The following MOB3C variants were observed in gnomAD, a reference collection of about 807,000 sequenced individuals.
MOB3C encodes MOB kinase activator 3C.
Under a neutral mutation model 19.8 loss-of-function variants are expected in MOB3C, and 17 were observed. That is an observed-to-expected ratio of 0.86 (90% confidence interval 0.59 to 1.29). MOB3C has a LOEUF of 1.29. MOB3C is among the 50% of genes most tolerant of loss of function. The pLI is 0.00. For synonymous variants in MOB3C, 101 were observed against 119.2 expected (o/e 0.85, Z 0.99); for missense variants, 291 against 301.9 (o/e 0.96, Z 0.27).
At position 46,609,281 on chromosome 1, in the gene MOB3C, G is replaced by A; in HGVS notation, c.*374C>T. The A allele has an allele frequency of 2.8e-6, 1 of 354,502 alleles. No individual in the cohort carries two copies. The highest frequency in any genetic ancestry group is 9.1e-4 in the Middle Eastern group (1 of 1,098). The allele number at this position is 354,502 out of a possible 1,614,324, so 22.0% of individuals were successfully genotyped here. A position where few individuals can be genotyped will look rare whatever the true frequency, so the allele number is the denominator to read the frequency against. On this transcript the variant is annotated 3_prime_UTR_variant, in exon 4 of 4. Coordinates refer to ENST00000319928, the MANE Select transcript of MOB3C (RefSeq NM_201403.3). ...CGGCATCTGTGCTCACTCACAGGCA[G>A]ACTGCTCACTTTCTTGCACCTTTCT... is the stretch of plus-strand genomic sequence containing the variant.
chr1:46,609,529 A>C lies in MOB3C; in HGVS notation c.*126T>G, dbSNP rs1675425390. ...GCAGACTCCTGAGAACCAGAAGTCCAGAGGCTTTGGGTGTGTGGAGTGATT... is the reference window on the plus strand; with the variant it reads ...GCAGACTCCTGAGAACCAGAAGTCCCGAGGCTTTGGGTGTGTGGAGTGATT... On this transcript the variant is annotated 3_prime_UTR_variant, in exon 4 of 4. Transcript: ENST00000319928. 3 of 1,232,668 alleles carry C rather than the reference A, an allele frequency of 2.4e-6. No homozygotes were observed. The highest frequency in any genetic ancestry group is 3.5e-6 in the Non-Finnish European group (3 of 847,818). The allele number at this position is 1,232,668 out of a possible 1,614,324, so 76.4% of individuals were successfully genotyped here. A position where few individuals can be genotyped will look rare whatever the true frequency, so the allele number is the denominator to read the frequency against.
chr1:46,609,920 A>G, intron 3 of MOB3C, 82 bp downstream of exon 3: 2 of 1,494,000 alleles, frequency 1.3e-6, no homozygotes, highest in Non-Finnish European at 1.9e-6. Context: ...TGGGCGTTGG[A>G]GTTACTTAAA....
chr1:46,611,202 T>C lies in MOB3C; in HGVS notation c.419-998A>G, dbSNP rs1179430153. Among the ~76,000 whole-genome samples, 3 of 152,226 alleles carry C rather than the reference T, an allele frequency of 2.0e-5. No individual in the cohort carries two copies. Among genetic ancestry groups the C allele is most frequent in the Non-Finnish European group, 2.9e-5 (2 of 68,046 alleles). ...CTTGTGCTGGGCCCTTCACACCTTT[T>C]GCCTCTAATCCTTAGAACAATTCGC... On this transcript the variant is annotated intron_variant, in intron 2 of 3. Transcript: ENST00000319928. The surrounding 1 kb of genome is among the most constrained non-coding windows in gnomAD (Gnocchi z 4.1).
rs762935989 is a variant in MOB3C at position 46,613,204 on chromosome 1, A to G, written c.118T>C (p.Ser40Pro). The G allele has an allele frequency of 6.2e-7, 1 of 1,614,194 alleles. No homozygotes were observed. Among genetic ancestry groups the G allele is most frequent in the Non-Finnish European group, 8.5e-7 (1 of 1,180,026 alleles). ...ACCACACTGCGCAGGTCCAGGCCCG[A>G]CTTGAGAGAGGCCTGTGCCTTCTTG... ...LYKKAQASLK[S>P]GLDLRSVVRL... Residue 40 changes from serine to proline, a missense_variant, in exon 2 of 4, where the codon TCG (serine) becomes CCG (proline). Coordinates refer to ENST00000319928, the MANE Select transcript of MOB3C (RefSeq NM_201403.3).
Position 46,609,566 on chromosome 1 carries a change from A to G in MOB3C, c.*89T>C. 2.0e-6 allele frequency: 3 copies of G among 1,531,052 alleles called. No individual in the cohort carries two copies. Among genetic ancestry groups the G allele is most frequent in the Non-Finnish European group, 9.0e-7 (1 of 1,106,908 alleles). 94.8% of individuals were successfully genotyped at this position (1,531,052 alleles called of 1,614,324 possible). A position where few individuals can be genotyped will look rare whatever the true frequency, so the allele number is the denominator to read the frequency against. On this transcript the variant is annotated 3_prime_UTR_variant, in exon 4 of 4. Coordinates refer to ENST00000319928, the MANE Select transcript of MOB3C (RefSeq NM_201403.3). Reference sequence around the variant, plus strand: ...TGTGTGGAGTGATTCCAGTGCCTTCAGATTCCTTCAGGCTCCTGGGGGTCC... The same window carrying G: ...TGTGTGGAGTGATTCCAGTGCCTTCGGATTCCTTCAGGCTCCTGGGGGTCC...
rs1045109004 is a variant in MOB3C at position 46,608,596 on chromosome 1, A to G, written c.*1059T>C. The G allele has an allele frequency of 7.2e-5, 11 of 152,650 alleles. No individual in the cohort carries two copies. Among genetic ancestry groups the G allele is most frequent in the African/African-American group, 2.7e-4 (11 of 41,434 alleles). 9.5% of individuals were successfully genotyped at this position (152,650 alleles called of 1,614,324 possible). On this transcript the variant is annotated 3_prime_UTR_variant, in exon 4 of 4. Coordinates refer to ENST00000319928, the MANE Select transcript of MOB3C (RefSeq NM_201403.3). The surrounding 1 kb of genome is among the most constrained non-coding windows in gnomAD (Gnocchi z 4.5). ...CATGCCTGGAAGAGTCCATTCACCA[A>G]CTACATCCTCAATGTGCTGGGATGG...
Position 46,609,510 on chromosome 1 carries a change from T to G in MOB3C, c.*145A>C. ...CGGTCAGGGCGACAGGTAGGCAGAC[T>G]CCTGAGAACCAGAAGTCCAGAGGCT... On this transcript the variant is annotated 3_prime_UTR_variant, in exon 4 of 4. Transcript: ENST00000319928. 1 of 1,030,494 alleles carries G rather than the reference T, an allele frequency of 9.7e-7. No individual in the cohort carries two copies. Among genetic ancestry groups the G allele is most frequent in the Non-Finnish European group, 1.5e-6 (1 of 671,606 alleles). The allele number at this position is 1,030,494 out of a possible 1,614,324, so 63.8% of individuals were successfully genotyped here. A position where few individuals can be genotyped will look rare whatever the true frequency, so the allele number is the denominator to read the frequency against.
At chr1:46,612,535 G>A (rs1288600023) in intron 2 of MOB3C, among the ~76,000 whole-genome samples, 2 of 151,922 alleles carry the variant, frequency 1.3e-5, no homozygotes, top group Non-Finnish European at 2.9e-5. Flanking sequence ...GTGGTGGTGG[G>A]TGCCTATAAT....
At chr1:46,609,934 G>A in intron 3 of MOB3C, 68 bp downstream of exon 3, 8 of 1,574,492 alleles carry the variant, frequency 5.1e-6, no homozygotes, top group Non-Finnish European at 7.0e-6. Flanking sequence ...ACTTAAAGCA[G>A]GCAGCTTTTG....
At chr1:46,613,439 T>A (rs1015597550) in intron 1 of MOB3C, 68 bp from the exon 2 acceptor site, 2 of 1,384,024 alleles carry the variant, frequency 1.4e-6, no homozygotes, top group African/African-American at 2.9e-5. Flanking sequence ...GACTTCCCAA[T>A]TCATCATTTC....
intron 2 of MOB3C, among the ~76,000 whole-genome samples, chr1:46,610,422 C>T (rs948556408): frequency 2.0e-5 from 3 of 152,208 alleles, no homozygotes; most frequent in Non-Finnish European, 2.9e-5. Context: ...GAGTTTCACT[C>T]TTGCCCAGGC....
intron 1 of MOB3C, chr1:46,614,929 C>G: frequency 6.9e-7 from 1 of 1,441,766 alleles, no homozygotes; most frequent in South Asian, 1.2e-5. Flanking sequence ...AGAGTAGAAA[C>G]AGGCCATTCA....
At position 46,613,122 on chromosome 1, in the gene MOB3C, A is replaced by T; in HGVS notation, c.200T>A (p.Phe67Tyr). 1 of 1,614,216 alleles carries T rather than the reference A, an allele frequency of 6.2e-7. No individual in the cohort carries two copies. Among genetic ancestry groups the T allele is most frequent in the African/African-American group, 1.3e-5 (1 of 75,058 alleles). ...GTAGATGAGGTTGATGCGGTTGAAG[A>T]AGTCCACCACGTGCACGGCGATCCA... ...DDWIAVHVVD[F>Y]FNRINLIYGT... Residue 67 changes from phenylalanine (F) to tyrosine (Y), a missense_variant, in exon 2 of 4, where the codon TTC becomes TAC. Phe to Tyr is a conservative substitution (Grantham distance 22). Transcript: ENST00000319928.
In MOB3C at chr1:46,613,346, T is replaced by C; in HGVS notation, c.-25A>G. The C allele has an allele frequency of 6.3e-7, 1 of 1,599,730 alleles. No individual in the cohort carries two copies. Among genetic ancestry groups the C allele is most frequent in the Non-Finnish European group, 8.5e-7 (1 of 1,179,512 alleles). ...TGGCCAGCTGGGCCTGGGGCTGCTG[T>C]CCAGGGGCTCGGACCTGAGGATACC... On this transcript the variant is annotated 5_prime_UTR_variant, in exon 2 of 4. Transcript: ENST00000319928.
intron 1 of MOB3C, chr1:46,615,345 G>C: frequency 2.3e-6 from 1 of 435,144 alleles, no homozygotes; most frequent in Non-Finnish European, 4.1e-6. Flanking sequence ...CCACCTGCCT[G>C]ACCACACATC....
rs77694075 is a variant in MOB3C, at chr1:46,611,908, C to T, written c.418+996G>A. ...GCTTCCTTCAGCATTCAGACTTCTC[C>T]CCTCAGGGCTTGACCACCCTGCCCC... is the stretch of plus-strand genomic sequence containing the variant. On this transcript the variant is annotated intron_variant, in intron 2 of 3. Coordinates refer to ENST00000319928, the MANE Select transcript of MOB3C (RefSeq NM_201403.3). This position sits in a 1 kb window ranked among gnomAD's most constrained non-coding sequence, Gnocchi z 4.1. 0.022 allele frequency among the ~76,000 whole-genome samples: 3,382 copies of T among 152,234 alleles called. 55 individuals carry two copies. Among genetic ancestry groups the T allele is most frequent in the African/African-American group, 0.039 (1,637 of 41,522 alleles).
At position 46,613,042 on chromosome 1, in the gene MOB3C, G is replaced by A. The variant is rs541497333; in HGVS notation, c.280C>T (p.Pro94Ser). The stretch of plus-strand genomic sequence containing the variant: ...TCCTGCCAGCGGTACTCGTAGCGGG[G>A]CCCGCCGGCCATGACCGGGCAGCTG... The part of the protein sequence containing the change: ...ETSCPVMAGG[P>S]RYEYRWQDER... The change falls in exon 2 of 4, where the codon CCC becomes TCC. Residue 94 changes from proline to serine, a missense_variant. Transcript: ENST00000319928. The A allele has an allele frequency of 6.2e-6, 10 of 1,614,036 alleles. No individual in the cohort carries two copies. The South Asian group carries it at 9.9e-5, about 16-fold the overall frequency.
Position 46,611,176 on chromosome 1 carries a change from C to T in MOB3C, c.419-972G>A, listed in dbSNP as rs1243683325. 6.6e-6 allele frequency among the ~76,000 whole-genome samples: 1 copy of T among 152,242 alleles called. No homozygotes were observed. The highest frequency in any genetic ancestry group is 1.5e-5 in the Non-Finnish European group (1 of 68,050). ...AAGAACCTTCCATTTATGAGCAAGG[C>T]CTTGTGCTGGGCCCTTCACACCTTT... On this transcript the variant is annotated intron_variant, in intron 2 of 3. Transcript: ENST00000319928. The surrounding 1 kb of genome is among the most constrained non-coding windows in gnomAD (Gnocchi z 4.1).
intron 1 of MOB3C, chr1:46,613,667 G>A (rs746711636): frequency 1.2e-5 from 5 of 419,918 alleles, no homozygotes; most frequent in Admixed American, 4.1e-5. Context: ...TGTTGGTCAC[G>A]AGAGAGGTCG....
Sources: gnomAD v4.1 joint callset for allele counts (sites outside exome capture counted in the v4.1 genomes callset) on GRCh38, gnomAD v4.1.1 for gene constraint, Gnocchi (gnomAD v3.1) non-coding constraint, MANE v1.5 for transcripts, NCBI Gene and HGNC (gene_info 2026-07-23, HGNC 2026-07-21) for gene names.